Variants in VASH2 observed in about 807,000 individuals in gnomAD.
VASH2 encodes tubulinyl-Tyr carboxypeptidase 2.
In VASH2, 28 loss-of-function variants were observed where a neutral mutation model predicts 37.2. That is an observed-to-expected ratio of 0.75 (90% CI 0.56 to 1.03). The LOEUF (loss-of-function observed/expected upper bound fraction) is 1.03. Ranked by LOEUF, VASH2 falls within the 50% of genes least tolerant of loss-of-function variation. The pLI is 0.00. For missense variants in VASH2, 419 were observed against 459.1 expected (o/e 0.91, Z 0.80); for synonymous variants, 188 against 174.7 (o/e 1.08, Z -0.60).
chr1:212,980,510 G>A (rs1047041292), intron 7 of VASH2, among the ~76,000 whole-genome samples: 1 of 152,030 alleles, frequency 6.6e-6, no homozygotes, highest in Non-Finnish European at 1.5e-5. Context: ...GGCTCTGTCT[G>A]CCCTGCTGGA....
chr1:212,988,642 A>C lies in VASH2; in HGVS notation c.*58A>C. Reference sequence around the variant, plus strand: ...TGGTGCTTCTCTCTGCACTTTACCCAGCATCTTCAGGAGGAACTGCAACTA... The same window carrying C: ...TGGTGCTTCTCTCTGCACTTTACCCCGCATCTTCAGGAGGAACTGCAACTA... On this transcript the variant is annotated 3_prime_UTR_variant, in exon 8 of 8. Coordinates refer to ENST00000517399, the MANE Select transcript of VASH2 (RefSeq NM_001301056.2). The C allele has an allele frequency of 6.5e-7, 1 of 1,549,574 alleles. No individual in the cohort carries two copies. The highest frequency in any genetic ancestry group is 1.1e-5 in the South Asian group (1 of 89,462).
chr1:212,973,362 T>G, intron 6 of VASH2: 1 of 1,282,114 alleles, frequency 7.8e-7, no homozygotes, highest in African/African-American at 1.5e-5. Context: ...CATACGTCCC[T>G]CTTCTCTCTC....
At chr1:212,962,977 C>CTTT (rs113122383) in intron 3 of VASH2, among the ~76,000 whole-genome samples, 8,284 of 147,376 alleles carry the variant, frequency 0.056, 569 homozygotes, top group African/African-American at 0.16. Flanking sequence ...CTCCCCATCT[C>CTTT]TTTTTTTTTT....
rs188648412 is a variant in VASH2, at chr1:212,972,375, T to G, written c.498-205T>G. On this transcript the variant is annotated intron_variant, in intron 5 of 7. Transcript: ENST00000517399. ...GTTTTTCTCTTTGTCTCATATTTACTTGGTTTGGATATACAGCATATAGTA... is the reference window on the plus strand; with the variant it reads ...GTTTTTCTCTTTGTCTCATATTTACGTGGTTTGGATATACAGCATATAGTA... Among the ~76,000 whole-genome samples, 1,014 of 152,328 alleles carry G rather than the reference T, an allele frequency of 6.7e-3. 13 individuals are homozygous for G. Among genetic ancestry groups the G allele is most frequent in the African/African-American group, 0.023 (960 of 41,572 alleles).
chr1:212,966,335 A>G lies in VASH2; in HGVS notation c.487A>G (p.Ile163Val). The G allele has an allele frequency of 1.3e-6, 2 of 1,551,688 alleles. No individual in the cohort carries two copies. Among genetic ancestry groups the G allele is most frequent in the Admixed American group, 2.0e-5 (1 of 51,002 alleles). ...SLPIKCLEAVILGIYLTNGQP... is the reference protein window; with the variant it reads ...SLPIKCLEAVVLGIYLTNGQP... ...GCCTATCAAATGCCTTGAAGCTGTCATCCTGGGCATGTATCCTTTAAGTTA... is the reference window on the plus strand; with the variant it reads ...GCCTATCAAATGCCTTGAAGCTGTCGTCCTGGGCATGTATCCTTTAAGTTA... Residue 163 changes from isoleucine to valine, a missense_variant, in exon 5 of 8, where the codon ATC becomes GTC. Transcript: ENST00000517399.
intron 5 of VASH2, among the ~76,000 whole-genome samples, chr1:212,970,812 C>T (rs796377009): frequency 6.6e-6 from 1 of 151,882 alleles, no homozygotes; most frequent in East Asian, 1.9e-4. Flanking sequence ...ATCGCTTGAA[C>T]TTGGGAGGCA....
At chr1:212,980,152 C>A (rs1409022088) in intron 7 of VASH2, among the ~76,000 whole-genome samples, 1 of 152,216 alleles carries the variant, frequency 6.6e-6, no homozygotes, top group Non-Finnish European at 1.5e-5. Flanking sequence ...ATGCCAACAG[C>A]GCCCTCACTG....
intron 7 of VASH2, among the ~76,000 whole-genome samples, chr1:212,980,674 G>T (rs1282401401): frequency 6.6e-6 from 1 of 152,192 alleles, no homozygotes; most frequent in Non-Finnish European, 1.5e-5. Context: ...GTTGTTTAAT[G>T]AAGTCATTGA....
At chr1:212,974,423 T>C (rs900019829) in intron 7 of VASH2, among the ~76,000 whole-genome samples, 3 of 152,214 alleles carry the variant, frequency 2.0e-5, no homozygotes, top group African/African-American at 7.2e-5. Context: ...GTTATCTTTC[T>C]GGGCATAAGT....
At position 212,951,905 on chromosome 1, in the gene VASH2, C is replaced by A; in HGVS notation, c.276+87C>A. The A allele has an allele frequency of 1.4e-6, 2 of 1,424,016 alleles. No individual in the cohort carries two copies. The highest frequency in any genetic ancestry group is 1.4e-5 in the African/African-American group (1 of 72,134). 88.2% of individuals were successfully genotyped at this position (1,424,016 alleles called of 1,614,324 possible). A position where few individuals can be genotyped will look rare whatever the true frequency, so the allele number is the denominator to read the frequency against. ...TCAGCCTATACATAGCAAACACAGG[C>A]AATCTCCATTTTCCTAGTCCTGCTA... On this transcript the variant is annotated intron_variant, in intron 2 of 7. Transcript: ENST00000517399. This position sits in a 1 kb window ranked among gnomAD's most constrained non-coding sequence, Gnocchi z 4.4.
chr1:212,983,061 G>T (rs953267264), intron 7 of VASH2, among the ~76,000 whole-genome samples: 4 of 152,172 alleles, frequency 2.6e-5, no homozygotes, highest in African/African-American at 9.7e-5. Flanking sequence ...CCATGATAAA[G>T]GTAACAGATG....
In VASH2 at chr1:212,988,723, A is replaced by G; in HGVS notation, c.*139A>G. On this transcript the variant is annotated 3_prime_UTR_variant, in exon 8 of 8. Transcript: ENST00000517399. ...AGGATTCACCTGGAAATAGAATCTG[A>G]GTGGGTGGTAACCATTAGCTTTAAA... The G allele has an allele frequency of 1.1e-6, 1 of 929,944 alleles. No homozygotes were observed. Among genetic ancestry groups the G allele is most frequent in the Non-Finnish European group, 1.7e-6 (1 of 599,886 alleles). The allele number at this position is 929,944 out of a possible 1,614,324, so 57.6% of individuals were successfully genotyped here. A position where few individuals can be genotyped will look rare whatever the true frequency, so the allele number is the denominator to read the frequency against.
rs1213292733 is a variant in VASH2 at position 212,965,730 on chromosome 1, A to C, written c.374A>C (p.His125Pro). 6.4e-7 allele frequency: 1 copy of C among 1,552,108 alleles called. No individual in the cohort carries two copies. The highest frequency in any genetic ancestry group is 1.2e-5 in the South Asian group (1 of 84,048). The change falls in exon 4 of 8, where the codon CAC becomes CCC. Residue 125 changes from histidine (H) to proline (P), a missense_variant. Coordinates refer to ENST00000517399, the MANE Select transcript of VASH2 (RefSeq NM_001301056.2). ...TTACATACTTTACACAGATATAATC[A>C]CACAGGGACCCAGTTCTTTGAAATT... The part of the protein sequence containing the change: ...QNYMKTLQYN[H>P]TGTQFFEIRK...
intron 5 of VASH2, chr1:212,966,964 C>T: frequency 2.0e-6 from 1 of 508,606 alleles, no homozygotes; most frequent in Non-Finnish European, 3.6e-6. Flanking sequence ...AGGCTGGTCT[C>T]AAACTGCTGA....
chr1:212,962,971 C>T (rs1222208092), intron 3 of VASH2, among the ~76,000 whole-genome samples: 3 of 139,854 alleles, frequency 2.1e-5, no homozygotes, highest in African/African-American at 9.7e-5. Context: ...GAATGCCTCC[C>T]CATCTCTTTT....
At chr1:212,954,667 C>G (rs765625861) in intron 2 of VASH2, among the ~76,000 whole-genome samples, 1 of 152,074 alleles carries the variant, frequency 6.6e-6, no homozygotes, top group Non-Finnish European at 1.5e-5. Flanking sequence ...ATCTGCCCAC[C>G]TCGGCCTCCC....
Position 212,973,203 on chromosome 1 carries a change from T to C in VASH2, c.879+242T>C, listed in dbSNP as rs1236822994. On this transcript the variant is annotated intron_variant, in intron 6 of 7. Transcript: ENST00000517399. ...CAGATCTAAAGTGTTAGTCATTTTA[T>C]ATTGAAGCTCTAGTTTGTTCTGTTT... Among the ~76,000 whole-genome samples the C allele has an allele frequency of 2.0e-5, 3 of 152,238 alleles. No homozygotes were observed. In the East Asian group the frequency reaches 5.8e-4, roughly 29 times the overall value.
intron 6 of VASH2, 112 bp from the exon 7 acceptor site, chr1:212,973,843 C>T: frequency 1.4e-6 from 2 of 1,464,344 alleles, no homozygotes; most frequent in Non-Finnish European, 1.8e-6. Context: ...TCAATGCCTT[C>T]TAAACCATGG....
rs1054011577 is a variant in VASH2, at chr1:212,986,414, A to C, written c.996-2098A>C. 2.0e-5 allele frequency among the ~76,000 whole-genome samples: 3 copies of C among 152,224 alleles called. No homozygotes were observed. In the East Asian group the frequency reaches 5.8e-4, roughly 29 times the overall value. ...TGTAAAGATGACACCACCTCAGGCA[A>C]GGAGACAAAATGGAGGCTCACTTCA... On this transcript the variant is annotated intron_variant, in intron 7 of 7. Transcript: ENST00000517399.
Sources: gnomAD v4.1 joint callset for allele counts (sites outside exome capture counted in the v4.1 genomes callset) on GRCh38, gnomAD v4.1.1 for gene constraint, Gnocchi (gnomAD v3.1) non-coding constraint, MANE v1.5 for transcripts, NCBI Gene and HGNC (gene_info 2026-07-23, HGNC 2026-07-21) for gene names.